The following PTPRZ1 variants were observed in gnomAD, a reference collection of about 807,000 sequenced individuals.
PTPRZ1 encodes the protein receptor-type tyrosine-protein phosphatase zeta.
PTPRZ1 carries 82 observed loss-of-function variants against 214.1 expected under a neutral mutation model. That is an observed-to-expected ratio of 0.38 (90% CI 0.32 to 0.46). The LOEUF (loss-of-function observed/expected upper bound fraction) is 0.46, where lower values mean the gene tolerates loss of function less well. Ranked by LOEUF, PTPRZ1 falls within the 20% of genes least tolerant of loss-of-function variation. PTPRZ1 has a pLI of 1.00. For synonymous variants in PTPRZ1, 945 were observed against 987.9 expected (o/e 0.96, Z 0.81); for missense variants, 2,603 against 2,748.7 (o/e 0.95, Z 1.19).
chr7:121,955,358 G>T (rs1409686380), intron 2 of PTPRZ1, among the ~76,000 whole-genome samples: 1 of 152,154 alleles, frequency 6.6e-6, no homozygotes, highest in Non-Finnish European at 1.5e-5. Flanking sequence ...TGACCCTAAG[G>T]CAACTTTCAG....
At chr7:122,047,643 A>G (rs536649465) in intron 23 of PTPRZ1, among the ~76,000 whole-genome samples, 2 of 127,030 alleles carry the variant, frequency 1.6e-5, no homozygotes, top group African/African-American at 6.9e-5. Context: ...TGCTACATAT[A>G]TTCCTTTTTT....
At chr7:121,989,225 A>C (rs1797865090) in intron 8 of PTPRZ1, among the ~76,000 whole-genome samples, 1 of 152,228 alleles carries the variant, frequency 6.6e-6, no homozygotes, top group East Asian at 1.9e-4. Flanking sequence ...GCAGTTAAAA[A>C]AGAGGAGAAA....
At chr7:122,032,785 T>G (rs1799421164) in intron 15 of PTPRZ1, among the ~76,000 whole-genome samples, 1 of 152,158 alleles carries the variant, frequency 6.6e-6, no homozygotes, top group Non-Finnish European at 1.5e-5. Flanking sequence ...CTAAAAGAAA[T>G]CTAAATCATA....
intron 2 of PTPRZ1, among the ~76,000 whole-genome samples, chr7:121,964,664 A>G (rs10278079): frequency 0.34 from 52,427 of 152,024 alleles, 9,246 homozygotes; most frequent in South Asian, 0.43. Flanking sequence ...AATATGTTAA[A>G]AGAAGAAAAA....
At chr7:122,060,262 A>G (rs1792527163) in intron 29 of PTPRZ1, among the ~76,000 whole-genome samples, 1 of 152,152 alleles carries the variant, frequency 6.6e-6, no homozygotes, top group Admixed American at 6.5e-5. Context: ...AGTTATCTTC[A>G]TGCACATGCA....
chr7:121,916,769 TGTCATTG>T (rs1384996436), intron 1 of PTPRZ1, among the ~76,000 whole-genome samples: 3 of 152,214 alleles, frequency 2.0e-5, no homozygotes, highest in Non-Finnish European at 4.4e-5. Context: ...GACCCAGTGC[TGTCATTG>T]GTCAAGATAG....
chr7:122,051,415 CT>C lies in PTPRZ1; in HGVS notation c.6085-10del. 1 of 1,601,262 alleles carries C rather than the reference CT, an allele frequency of 6.2e-7. No individual in the cohort carries two copies. The highest frequency in any genetic ancestry group is 1.3e-5 in the African/African-American group (1 of 74,244). On this transcript the variant is annotated splice_polypyrimidine_tract_variant and intron_variant, in intron 23 of 29. Coordinates refer to ENST00000393386, the MANE Select transcript of PTPRZ1 (RefSeq NM_002851.3). ...ATGAAATAACCTATATATTTTTTTA[CT>C]TTCTTGCCCAGCTCCTGAGCCAGTC...
intron 2 of PTPRZ1, among the ~76,000 whole-genome samples, chr7:121,929,834 ATAAAT>A (rs1448484396): frequency 6.8e-6 from 1 of 147,594 alleles, no homozygotes; most frequent in Non-Finnish European, 1.5e-5. Context: ...TAAAAAATAA[ATAAAT>A]AAATAAATAA....
chr7:121,948,094 A>G (rs149923119), intron 2 of PTPRZ1, among the ~76,000 whole-genome samples: 1 of 152,302 alleles, frequency 6.6e-6, no homozygotes, highest in Non-Finnish European at 1.5e-5. Flanking sequence ...AAGGGAAATG[A>G]TGATAAGCAC....
At chr7:121,964,390 G>A (rs932457064) in intron 2 of PTPRZ1, among the ~76,000 whole-genome samples, 5 of 152,186 alleles carry the variant, frequency 3.3e-5, no homozygotes, top group Admixed American at 6.5e-5. Context: ...AAGAATCAGA[G>A]TCAAGCGAAG....
At chr7:122,021,155 A>G (rs947612356) in intron 13 of PTPRZ1, among the ~76,000 whole-genome samples, 5 of 152,136 alleles carry the variant, frequency 3.3e-5, no homozygotes, top group African/African-American at 1.2e-4. Flanking sequence ...TATAATTATA[A>G]GATTGAAATT....
chr7:121,889,966 A>T (rs1416516522), intron 1 of PTPRZ1, among the ~76,000 whole-genome samples: 2 of 152,226 alleles, frequency 1.3e-5, no homozygotes, highest in Admixed American at 6.5e-5. Context: ...ATTGTACTCC[A>T]CTGTCTTCCT....
chr7:122,061,976 ACATTGTTC>A lies in PTPRZ1; in HGVS notation c.*757_*764del, dbSNP rs1792593183. On this transcript the variant is annotated 3_prime_UTR_variant, in exon 30 of 30. Transcript: ENST00000393386. ...TTTTATGAGAATAACACCTTACCAAACATTGTTCAAATGGTTTTTATCCAAGGAATTGC... is the reference window on the plus strand; with the variant it reads ...TTTTATGAGAATAACACCTTACCAAAAAATGGTTTTTATCCAAGGAATTGC... 2 of 152,642 alleles carry A rather than the reference ACATTGTTC, an allele frequency of 1.3e-5. No individual in the cohort carries two copies. Among genetic ancestry groups the A allele is most frequent in the African/African-American group, 2.4e-5 (1 of 41,452 alleles). 9.5% of individuals were successfully genotyped at this position (152,642 alleles called of 1,614,324 possible). A position where few individuals can be genotyped will look rare whatever the true frequency, so the allele number is the denominator to read the frequency against.
chr7:121,914,957 G>A (rs1193835248), intron 1 of PTPRZ1, among the ~76,000 whole-genome samples: 3 of 152,042 alleles, frequency 2.0e-5, no homozygotes, highest in Non-Finnish European at 2.9e-5. Flanking sequence ...AAGTAATTTG[G>A]GGGACTGGAA....
intron 1 of PTPRZ1, among the ~76,000 whole-genome samples, chr7:121,906,394 CTA>C (rs2116287083): frequency 6.6e-6 from 1 of 152,144 alleles, no homozygotes; most frequent in African/African-American, 2.4e-5. Context: ...TAAAATAAAA[CTA>C]TATTAATTGC....
chr7:121,883,683 A>G (rs567902191), intron 1 of PTPRZ1, among the ~76,000 whole-genome samples: 4 of 152,208 alleles, frequency 2.6e-5, no homozygotes, highest in Middle Eastern at 3.4e-3. Context: ...CTGGAGTGCA[A>G]TGGTGCGATC....
At chr7:121,973,769 A>G (rs1313605456) in intron 4 of PTPRZ1, among the ~76,000 whole-genome samples, 1 of 151,984 alleles carries the variant, frequency 6.6e-6, no homozygotes, top group African/African-American at 2.4e-5. Context: ...TGCCACCTCT[A>G]CTAAAAACAC....
chr7:122,057,938 C>A (rs1182914209), intron 27 of PTPRZ1, among the ~76,000 whole-genome samples: 1 of 141,574 alleles, frequency 7.1e-6, no homozygotes, highest in Admixed American at 7.1e-5. Flanking sequence ...TCAGTTCAGT[C>A]ATTCATATAG....
At chr7:121,902,158 T>A (rs1794979253) in intron 1 of PTPRZ1, among the ~76,000 whole-genome samples, 1 of 152,198 alleles carries the variant, frequency 6.6e-6, no homozygotes, top group Admixed American at 6.6e-5. Context: ...ATCCTCTAGG[T>A]TTATCCATGT....
Sources: allele counts gnomAD v4.1 joint callset (sites outside exome capture counted in the v4.1 genomes callset), GRCh38; gene constraint gnomAD v4.1.1; transcripts MANE v1.5; gene names NCBI Gene and HGNC (gene_info 2026-07-23, HGNC 2026-07-21).